RAB40B: variants seen among roughly 807,000 people sequenced by gnomAD.
The protein encoded by RAB40B is ras-related protein Rab-40B.
A neutral mutation model predicts 24.0 loss-of-function variants in RAB40B; 21 were observed. The observed-to-expected ratio is 0.88, with a 90% CI of 0.62 to 1.26. RAB40B has a LOEUF of 1.26. Among genes scored for constraint, RAB40B ranks in the 50% most tolerant of loss-of-function variants. RAB40B has a pLI of 0.00. For missense variants in RAB40B, 348 were observed against 390.5 expected (o/e 0.89, Z 0.92); for synonymous variants, 167 against 169.8 (o/e 0.98, Z 0.13).
chr17:82,682,466 T>C (rs550335108), intron 1 of RAB40B, among the ~76,000 whole-genome samples: 8 of 152,326 alleles, frequency 5.3e-5, no homozygotes, highest in African/African-American at 1.9e-4. Context: ...AGAATCAGTA[T>C]TGTTAAGATG....
chr17:82,677,470 G>T (rs577777632), intron 1 of RAB40B, among the ~76,000 whole-genome samples: 1 of 152,142 alleles, frequency 6.6e-6, no homozygotes, highest in Non-Finnish European at 1.5e-5. Flanking sequence ...ATCCTGCAGC[G>T]GCCAGCTCAA....
intron 1 of RAB40B, among the ~76,000 whole-genome samples, chr17:82,691,810 C>T (rs1251282426): frequency 1.3e-5 from 2 of 152,230 alleles, no homozygotes; most frequent in African/African-American, 4.8e-5. Flanking sequence ...CGACCATATC[C>T]TGGGCCAGCC....
chr17:82,659,748 T>C, intron 3 of RAB40B, 91 bp from the exon 4 acceptor site: 1 of 967,964 alleles, frequency 1.0e-6, no homozygotes, highest in Non-Finnish European at 1.6e-6. Context: ...AAATAACCAC[T>C]TTCCTTATTT....
Position 82,657,905 on chromosome 17 carries a change from G to A in RAB40B, c.795C>T (p.Ser265=), listed in dbSNP as rs754586216. 5.9e-6 allele frequency: 9 copies of A among 1,534,098 alleles called. No individual in the cohort carries two copies. The highest frequency in any genetic ancestry group is 3.5e-5 in the Admixed American group (2 of 57,426). ...RKVKLVRPPQ[S]PPKNCTRNSC... ...TGTTTCTGGTGCAGTTTTTGGGGGG[G>A]CTCTGGGGGGGGCGGACGAGCTTCA... The change falls in exon 6 of 6, where the codon AGC becomes AGT. Residue 265 remains serine (S), a synonymous_variant. Coordinates refer to ENST00000571995, the MANE Select transcript of RAB40B (RefSeq NM_006822.3).
intron 1 of RAB40B, among the ~76,000 whole-genome samples, chr17:82,676,085 C>T (rs2143514265): frequency 6.6e-6 from 1 of 152,252 alleles, no homozygotes. Context: ...TCCCCCGGGT[C>T]TCCGTTTCCC....
intron 4 of RAB40B, 149 bp from the exon 5 acceptor site, chr17:82,658,862 T>C: frequency 3.0e-6 from 2 of 676,076 alleles, no homozygotes; most frequent in East Asian, 5.5e-5. Flanking sequence ...AAGACCGTCT[T>C]TGCAGACGTA....
chr17:82,680,160 G>A (rs1027242411), intron 1 of RAB40B, among the ~76,000 whole-genome samples: 6 of 152,224 alleles, frequency 3.9e-5, no homozygotes, highest in East Asian at 1.9e-4. Flanking sequence ...CAACTCAGGC[G>A]GGCCCGGGCT....
chr17:82,695,187 TTC>T (rs773973983), intron 1 of RAB40B, among the ~76,000 whole-genome samples: 46 of 149,128 alleles, frequency 3.1e-4, no homozygotes, highest in Non-Finnish European at 5.7e-4. Flanking sequence ...CTTTCTTTCT[TTC>T]TTTCTTTCTT....
chr17:82,672,020 C>T (rs71370230), intron 1 of RAB40B, among the ~76,000 whole-genome samples: 204 of 7,350 alleles, frequency 0.028, 31 homozygotes, highest in Non-Finnish European at 0.034. Flanking sequence ...CACACACACA[C>T]GCTCCCTGTA....
chr17:82,661,958 C>T lies in RAB40B; in HGVS notation c.204-911G>A, dbSNP rs543802199. ...AGGGTGCTCCCCAGGGATCAGTTCCCAGAGGAGGCGGCCCTGGGACAGCCA... is the reference window on the plus strand; with the variant it reads ...AGGGTGCTCCCCAGGGATCAGTTCCTAGAGGAGGCGGCCCTGGGACAGCCA... On this transcript the variant is annotated intron_variant, in intron 2 of 5. Coordinates refer to ENST00000571995, the MANE Select transcript of RAB40B (RefSeq NM_006822.3). The T allele has an allele frequency of 9.1e-6, 9 of 985,168 alleles. 1 individual carries two copies. In the South Asian group the frequency reaches 3.8e-4, roughly 41 times the overall value. 61.0% of individuals were successfully genotyped at this position (985,168 alleles called of 1,614,324 possible).
At chr17:82,666,520 C>T (rs1236322443) in intron 1 of RAB40B, among the ~76,000 whole-genome samples, 2 of 152,168 alleles carry the variant, frequency 1.3e-5, no homozygotes, top group East Asian at 3.9e-4. Flanking sequence ...GCTGGGATTA[C>T]AGGCATGAGC....
Position 82,693,152 on chromosome 17 carries a change from G to A in RAB40B, c.142+5303C>T, listed in dbSNP as rs558198270. Among the ~76,000 whole-genome samples the A allele has an allele frequency of 1.3e-4, 20 of 152,018 alleles. No individual in the cohort carries two copies. The South Asian group carries it at 3.7e-3, about 28-fold the overall frequency. ...CGAGTAGCTGGGAATACAGGTGCCC[G>A]CCACCACACCTGGCTAATTTTTTTT... On this transcript the variant is annotated intron_variant, in intron 1 of 5. Transcript: ENST00000571995.
In RAB40B at chr17:82,675,366, A is replaced by G. The variant is rs2046384831; in HGVS notation, c.143-10810T>C. Among the ~76,000 whole-genome samples the G allele has an allele frequency of 6.6e-6, 1 of 152,202 alleles. No homozygotes were observed. The highest frequency in any genetic ancestry group is 2.1e-4 in the South Asian group (1 of 4,834). On this transcript the variant is annotated intron_variant, in intron 1 of 5. Coordinates refer to ENST00000571995, the MANE Select transcript of RAB40B (RefSeq NM_006822.3). The surrounding 1 kb of genome is among the most constrained non-coding windows in gnomAD (Gnocchi z 4.5). ...TGACCAGCTTTGAAAGGACAATGAC[A>G]GCCGCCTGTCTGACGTGGTCTCCAC...
At chr17:82,682,644 G>T (rs1196826271) in intron 1 of RAB40B, among the ~76,000 whole-genome samples, 2 of 152,180 alleles carry the variant, frequency 1.3e-5, no homozygotes, top group African/African-American at 4.8e-5. Flanking sequence ...AATCAACACA[G>T]TATGGTACTG....
intron 1 of RAB40B, among the ~76,000 whole-genome samples, chr17:82,695,231 C>T (rs780821630): frequency 4.0e-5 from 6 of 149,474 alleles, no homozygotes; most frequent in Middle Eastern, 3.2e-3. Flanking sequence ...CTCACTCTGT[C>T]GCTGGGCTGG....
At chr17:82,682,160 CAT>C (rs1483178482) in intron 1 of RAB40B, among the ~76,000 whole-genome samples, 17 of 151,988 alleles carry the variant, frequency 1.1e-4, no homozygotes, top group Non-Finnish European at 2.1e-4. Context: ...CACACACACA[CAT>C]ACACCTCTCC....
chr17:82,665,792 G>A (rs546560349), intron 1 of RAB40B, among the ~76,000 whole-genome samples: 27 of 151,966 alleles, frequency 1.8e-4, no homozygotes, highest in African/African-American at 6.0e-4. Context: ...GCTTGAACCC[G>A]GGAGGCGGAG....
rs1358804124 is a variant in RAB40B at position 82,657,275 on chromosome 17, G to GA, written c.*587dup. The GA allele has an allele frequency of 5.7e-6, 1 of 176,636 alleles. No homozygotes were observed. Among genetic ancestry groups the GA allele is most frequent in the Non-Finnish European group, 1.2e-5 (1 of 81,580 alleles). 10.9% of individuals were successfully genotyped at this position (176,636 alleles called of 1,614,324 possible). On this transcript the variant is annotated 3_prime_UTR_variant, in exon 6 of 6. Transcript: ENST00000571995. ...TTGTACAAAAAACTGTAGATTTACA[G>GA]AAAAATATGCATATAAATCACTTAT...
In RAB40B at chr17:82,657,783, T is replaced by G; in HGVS notation, c.*80A>C. ...GCATTCGCCGAGAGGAACCGGGATC[T>G]GAGATGCATCCACCAGCTGCCGGGG... On this transcript the variant is annotated 3_prime_UTR_variant, in exon 6 of 6. Transcript: ENST00000571995. 6 of 1,504,914 alleles carry G rather than the reference T, an allele frequency of 4.0e-6. No individual in the cohort carries two copies. Among genetic ancestry groups the G allele is most frequent in the Non-Finnish European group, 4.6e-6 (5 of 1,081,360 alleles). 93.2% of individuals were successfully genotyped at this position (1,504,914 alleles called of 1,614,324 possible).
Sources: gnomAD v4.1 joint callset for allele counts (sites outside exome capture counted in the v4.1 genomes callset) on GRCh38, gnomAD v4.1.1 for gene constraint, Gnocchi (gnomAD v3.1) non-coding constraint, MANE v1.5 for transcripts, NCBI Gene and HGNC (gene_info 2026-07-23, HGNC 2026-07-21) for gene names.